AKAP17A: variants seen among roughly 807,000 people sequenced by gnomAD.
AKAP17A encodes the protein A-kinase anchor protein 17A.
AKAP17A carries 15 observed loss-of-function variants against 52.2 expected under a neutral mutation model. The ratio of observed to expected loss-of-function variants is 0.29; its 90% CI spans 0.19 to 0.44. The LOEUF is 0.44. AKAP17A is among the 20% of genes least tolerant of loss of function. The probability of loss-of-function intolerance (pLI) is 1.00; values close to 1 mark genes in which losing one functional copy is unlikely to be tolerated. For missense variants in AKAP17A, 1,060 were observed against 1,007.0 expected (o/e 1.05, Z -0.71); for synonymous variants, 514 against 424.7 (o/e 1.21, Z -2.58).
At chrX:1,595,794 CGTGT>C (rs1254709843) in intron 3 of AKAP17A, among the ~76,000 whole-genome samples, 1 of 151,148 alleles carries the variant, frequency 6.6e-6, no homozygotes, top group Non-Finnish European at 1.5e-5. Context: ...TGTGTGAGCT[CGTGT>C]GTGTACCTGT....
chrX:1,592,980 C>T, intron 1 of AKAP17A, among the ~76,000 whole-genome samples: 2 of 152,320 alleles, frequency 1.3e-5, no homozygotes, highest in Middle Eastern at 6.8e-3. Flanking sequence ...GGGCCGCCGC[C>T]CCCTCCACAA....
chrX:1,600,315 G>C, intron 4 of AKAP17A: 1 of 831,160 alleles, frequency 1.2e-6, no homozygotes, highest in East Asian at 3.7e-5. Context: ...GCGGCCGCTT[G>C]TGACCTAACC....
At chrX:1,600,612 G>C in intron 4 of AKAP17A, 47 bp from the exon 5 acceptor site, 1 of 1,478,148 alleles carries the variant, frequency 6.8e-7, no homozygotes. Context: ...CACGTGTCCG[G>C]CCAGGCTCAG....
At chrX:1,600,426 C>T (rs1172295970) in intron 4 of AKAP17A, 38 of 632,942 alleles carry the variant, frequency 6.0e-5, no homozygotes, top group African/African-American at 1.8e-5. Flanking sequence ...CAAGGGGTTT[C>T]CTTCTCACTC....
In AKAP17A at chrX:1,601,436, A is replaced by G. The variant is rs1372888929; in HGVS notation, c.1930A>G (p.Thr644Ala). The change falls in exon 5 of 5, where the codon ACC becomes GCC. Residue 644 changes from threonine to alanine, a missense_variant. By Grantham distance (58) the Thr-to-Ala change is moderately conservative. This residue lies in a region of AKAP17A where 793 missense variants were observed against 629.9 expected (regional missense o/e 1.26). Coordinates refer to ENST00000313871, the MANE Select transcript of AKAP17A (RefSeq NM_005088.3). ...PRRRSTSPDH[T>A]RSRRSHSKDR... is the part of the protein sequence containing the mutation. ...CCGGCGCAGCACGAGCCCGGACCAC[A>G]CCCGGTCCCGGAGGTCCCACAGCAA... 2 of 1,571,744 alleles carry G rather than the reference A, an allele frequency of 1.3e-6. No homozygotes were observed. The highest frequency in any genetic ancestry group is 1.8e-5 in the Admixed American group (1 of 55,674).
intron 1 of AKAP17A, among the ~76,000 whole-genome samples, chrX:1,593,212 C>T (rs772641368): frequency 6.6e-6 from 1 of 152,250 alleles, no homozygotes; most frequent in South Asian, 2.1e-4. Context: ...TGACACTAAC[C>T]TGTTCTTTAT....
At chrX:1,598,118 C>T (rs1238381153) in intron 3 of AKAP17A, among the ~76,000 whole-genome samples, 4 of 152,188 alleles carry the variant, frequency 2.6e-5, no homozygotes, top group Non-Finnish European at 4.4e-5. Context: ...AGCCTCGAGG[C>T]GTCGCTGTGG....
intron 3 of AKAP17A, among the ~76,000 whole-genome samples, chrX:1,598,128 G>A (rs28535368): frequency 0.11 from 16,691 of 152,224 alleles, 2,636 homozygotes; most frequent in African/African-American, 0.35. Context: ...CGTCGCTGTG[G>A]GTCCCGCCTA....
intron 3 of AKAP17A, 51 bp from the exon 4 acceptor site, chrX:1,599,141 G>A: frequency 6.3e-7 from 1 of 1,596,758 alleles, no homozygotes; most frequent in South Asian, 1.1e-5. Flanking sequence ...ATGGTGTGTG[G>A]TGTGTTGGCT....
rs1342074583 is a variant in AKAP17A at position 1,601,789 on chromosome X, G to A, written c.*195G>A. 25 of 459,698 alleles carry A rather than the reference G, an allele frequency of 5.4e-5. No homozygotes were observed. The highest frequency in any genetic ancestry group is 7.3e-5 in the Non-Finnish European group (20 of 273,824). 28.5% of individuals were successfully genotyped at this position (459,698 alleles called of 1,614,324 possible). On this transcript the variant is annotated 3_prime_UTR_variant, in exon 5 of 5. Coordinates refer to ENST00000313871, the MANE Select transcript of AKAP17A (RefSeq NM_005088.3). ...TCCATCTTTCTCCACTCACCGCAGCGTACTTGGCACTTCAGTTTCAAACAC... is the reference window on the plus strand; with the variant it reads ...TCCATCTTTCTCCACTCACCGCAGCATACTTGGCACTTCAGTTTCAAACAC...
chrX:1,594,227 G>T lies in AKAP17A; in HGVS notation c.762+3G>T. 6.5e-7 allele frequency: 1 copy of T among 1,527,650 alleles called. No individual in the cohort carries two copies. Among genetic ancestry groups the T allele is most frequent in the Non-Finnish European group, 8.8e-7 (1 of 1,137,084 alleles). 94.6% of individuals were successfully genotyped at this position (1,527,650 alleles called of 1,614,324 possible). A position where few individuals can be genotyped will look rare whatever the true frequency, so the allele number is the denominator to read the frequency against. ...AGGCCGTGGCCTGCAACATCAAGGT[G>T]AGTCCTGGGCACCGAGAGAGCCACG... is the stretch of plus-strand genomic sequence containing the variant. On this transcript the variant is annotated splice_donor_region_variant and intron_variant, in intron 2 of 4. Coordinates refer to ENST00000313871, the MANE Select transcript of AKAP17A (RefSeq NM_005088.3).
At chrX:1,597,675 C>G (rs1933081049) in intron 3 of AKAP17A, among the ~76,000 whole-genome samples, 1 of 140,888 alleles carries the variant, frequency 7.1e-6, no homozygotes, top group Non-Finnish European at 1.6e-5. Flanking sequence ...AGGAGTGTCC[C>G]CGCAACATTT....
chrX:1,598,909 G>C (rs1304825843), intron 3 of AKAP17A, among the ~76,000 whole-genome samples: 1 of 152,176 alleles, frequency 6.6e-6, no homozygotes, highest in Non-Finnish European at 1.5e-5. Context: ...CTGGGGGCGT[G>C]GCTTTTGATG....
intron 1 of AKAP17A, 32 bp downstream of exon 1, chrX:1,591,801 G>T (rs1340878301): frequency 6.6e-6 from 1 of 151,292 alleles, no homozygotes; most frequent in Non-Finnish European, 1.5e-5. Flanking sequence ...CCCGGGCCTG[G>T]CTGCAGCCGG....
intron 4 of AKAP17A, chrX:1,600,289 C>T (rs1313854588): frequency 9.9e-7 from 1 of 1,008,114 alleles, no homozygotes; most frequent in African/African-American, 1.6e-5. Flanking sequence ...GGCGTCATCT[C>T]AGCTCCCTGT....
In AKAP17A at chrX:1,599,213, G is replaced by C. The variant is rs145269838; in HGVS notation, c.933G>C (p.Glu311Asp). 1.7e-3 allele frequency: 2,666 copies of C among 1,612,270 alleles called. 13 individuals are homozygous for C. Among genetic ancestry groups the C allele is most frequent in the Middle Eastern group, 7.1e-3 (34 of 4,786 alleles). ...ACAGGAAACAAAAGGAGCTGGAAGA[G>C]CTGGAGCGAGAGAGGAAAAGAGAAG... ...AEERKQKELE[E>D]LERERKREEK... Residue 311 changes from glutamate to aspartate, a missense_variant, in exon 4 of 5, where the codon GAG becomes GAC. Physicochemically the swap from Glu to Asp is conservative, Grantham distance 45. Transcript: ENST00000313871.
intron 3 of AKAP17A, among the ~76,000 whole-genome samples, chrX:1,595,761 G>A (rs188958643): frequency 1.3e-5 from 2 of 152,136 alleles, no homozygotes; most frequent in East Asian, 3.9e-4. Context: ...CTGTGTGCAC[G>A]TGTGCCTGTG....
chrX:1,597,564 C>G (rs1359029855), intron 3 of AKAP17A, among the ~76,000 whole-genome samples: 8 of 151,978 alleles, frequency 5.3e-5, no homozygotes, highest in African/African-American at 1.4e-4. Context: ...GTTACAGGGA[C>G]TCTTCCAGGC....
chrX:1,599,998 C>G, intron 4 of AKAP17A: 1 of 493,518 alleles, frequency 2.0e-6, no homozygotes, highest in East Asian at 5.6e-5. Context: ...CTGGTAACTC[C>G]CATGAGCCCG....
Sources: gnomAD v4.1 joint callset for allele counts (sites outside exome capture counted in the v4.1 genomes callset) on GRCh38, gnomAD v4.1.1 for gene constraint, gnomAD v4.1.1 regional missense constraint, MANE v1.5 for transcripts, NCBI Gene and HGNC (gene_info 2026-07-23, HGNC 2026-07-21) for gene names.